MGMT: variants seen among roughly 807,000 people sequenced by gnomAD.
MGMT encodes the protein methylated-DNA--protein-cysteine methyltransferase.
Under a neutral mutation model 15.9 loss-of-function variants are expected in MGMT, and 14 were observed. The ratio of observed to expected loss-of-function variants is 0.88; its 90% CI spans 0.58 to 1.37. MGMT has a LOEUF of 1.37. MGMT is among the 40% of genes most tolerant of loss of function. The pLI is 0.00. For missense variants in MGMT, 282 were observed against 268.1 expected, an observed-to-expected ratio of 1.05 and a Z score of -0.36; for synonymous variants, 130 against 118.2, an observed-to-expected ratio of 1.10 and a Z score of -0.65.
intron 3 of MGMT, among the ~76,000 whole-genome samples, chr10:129,752,035 T>C (rs1213552565): frequency 1.3e-5 from 2 of 151,968 alleles, no homozygotes; most frequent in African/African-American, 4.8e-5. Flanking sequence ...GTTGATAATA[T>C]TTTTTATTTG....
intron 1 of MGMT, 126 bp downstream of exon 1, chr10:129,467,422 C>T (rs1845181126): frequency 7.3e-7 from 1 of 1,367,298 alleles, no homozygotes; most frequent in Admixed American, 3.8e-5. Flanking sequence ...TGACCCCCAC[C>T]CATCCCGGGC....
intron 2 of MGMT, among the ~76,000 whole-genome samples, chr10:129,628,712 AC>A (rs1413686987): frequency 6.6e-6 from 1 of 152,204 alleles, no homozygotes; most frequent in Non-Finnish European, 1.5e-5. Context: ...GTGCCAAGAG[AC>A]AAGTAGAGCT....
At chr10:129,658,493 C>T (rs1018091389) in intron 2 of MGMT, among the ~76,000 whole-genome samples, 1 of 152,140 alleles carries the variant, frequency 6.6e-6, no homozygotes, top group Non-Finnish European at 1.5e-5. Flanking sequence ...GATTTTTAAC[C>T]CCAACATTTT....
intron 1 of MGMT, among the ~76,000 whole-genome samples, chr10:129,507,525 C>T (rs955786420): frequency 2.3e-4 from 35 of 152,102 alleles, no homozygotes; most frequent in Admixed American, 1.6e-3. Flanking sequence ...ACAGAGGGTC[C>T]TGCTGAATTG....
chr10:129,531,777 G>C (rs1031983767), intron 1 of MGMT, among the ~76,000 whole-genome samples: 3 of 136,274 alleles, frequency 2.2e-5, no homozygotes, highest in African/African-American at 5.4e-5. Flanking sequence ...AGCGGGGGCT[G>C]GTGGGGGTGG....
intron 2 of MGMT, among the ~76,000 whole-genome samples, chr10:129,660,728 T>C (rs1465601331): frequency 6.6e-6 from 1 of 151,856 alleles, no homozygotes. Flanking sequence ...TGCAAAGACT[T>C]CAAGGGAGAC....
At chr10:129,580,372 C>T (rs978367405) in intron 2 of MGMT, among the ~76,000 whole-genome samples, 1 of 152,164 alleles carries the variant, frequency 6.6e-6, no homozygotes, top group African/African-American at 2.4e-5. Flanking sequence ...CGATTAGGCA[C>T]CACAGTAGAA....
intron 3 of MGMT, among the ~76,000 whole-genome samples, chr10:129,753,391 T>C (rs554809889): frequency 1.2e-4 from 18 of 152,340 alleles, no homozygotes; most frequent in Non-Finnish European, 2.4e-4. Context: ...ATTTTAGCTA[T>C]CGTTTATTTG....
At chr10:129,519,469 C>T (rs113255361) in intron 1 of MGMT, among the ~76,000 whole-genome samples, 3,695 of 152,302 alleles carry the variant, frequency 0.024, 83 homozygotes, top group Middle Eastern at 0.054. Context: ...CATTTGGAAG[C>T]GGGGCGCACT....
At chr10:129,483,268 A>G (rs55744516) in intron 1 of MGMT, among the ~76,000 whole-genome samples, 14,122 of 152,248 alleles carry the variant, frequency 0.093, 786 homozygotes, top group East Asian at 0.28. Flanking sequence ...TAGAGTTACT[A>G]TTTTTATGTT....
chr10:129,709,964 A>T (rs1052716114), intron 3 of MGMT, among the ~76,000 whole-genome samples: 5 of 152,192 alleles, frequency 3.3e-5, no homozygotes, highest in Non-Finnish European at 5.9e-5. Flanking sequence ...GCAAGCACTG[A>T]ACCCCCGCTG....
At chr10:129,473,340 C>G (rs1417998508) in intron 1 of MGMT, among the ~76,000 whole-genome samples, 1 of 152,226 alleles carries the variant, frequency 6.6e-6, no homozygotes, top group Non-Finnish European at 1.5e-5. Context: ...AATCTCCTGT[C>G]ATGGTTCAGC....
chr10:129,582,398 C>G (rs1409091790), intron 2 of MGMT, among the ~76,000 whole-genome samples: 1 of 152,182 alleles, frequency 6.6e-6, no homozygotes, highest in Admixed American at 6.5e-5. Flanking sequence ...CTGCCTCTGA[C>G]GGGTGGCTGC....
chr10:129,534,005 C>T (rs1537688), intron 1 of MGMT, among the ~76,000 whole-genome samples: 8,139 of 152,208 alleles, frequency 0.053, 262 homozygotes, highest in South Asian at 0.066. Flanking sequence ...ATGGTGGGAA[C>T]AGTAGTGATC....
chr10:129,488,928 C>T (rs1218612477), intron 1 of MGMT, among the ~76,000 whole-genome samples: 1 of 152,192 alleles, frequency 6.6e-6, no homozygotes, highest in Non-Finnish European at 1.5e-5. Context: ...AGGAGAGACA[C>T]AGTAAATGGT....
chr10:129,613,988 G>A (rs1440262054), intron 2 of MGMT, among the ~76,000 whole-genome samples: 1 of 152,134 alleles, frequency 6.6e-6, no homozygotes, highest in Non-Finnish European at 1.5e-5. Flanking sequence ...ATTTTTAAGA[G>A]TCCAGCTCAG....
At chr10:129,758,942 A>G (rs1483645535) in intron 3 of MGMT, among the ~76,000 whole-genome samples, 1 of 152,224 alleles carries the variant, frequency 6.6e-6, no homozygotes, top group African/African-American at 2.4e-5. Flanking sequence ...GGAACACGGG[A>G]AGATGGAAAG....
intron 2 of MGMT, among the ~76,000 whole-genome samples, chr10:129,567,751 C>A (rs1001624652): frequency 6.6e-6 from 1 of 152,172 alleles, no homozygotes; most frequent in African/African-American, 2.4e-5. Flanking sequence ...ATATACAAAT[C>A]ACTTCCATAT....
At position 129,520,856 on chromosome 10, in the gene MGMT, A is replaced by ACGG. The variant is rs1564841124; in HGVS notation, c.-12-15385_-12-15384insCGG. The stretch of plus-strand genomic sequence containing the variant: ...CCTATGGTGCATGTACAGACCCCAT[A>ACGG]TGGTGCGGGTACAGAGCCCCTACAG... On this transcript the variant is annotated intron_variant, in intron 1 of 4. Coordinates refer to ENST00000651593, the MANE Select transcript of MGMT (RefSeq NM_002412.5). Among the ~76,000 whole-genome samples, 415 of 147,820 alleles carry ACGG rather than the reference A, an allele frequency of 2.8e-3. 5 individuals carry two copies. Among genetic ancestry groups the ACGG allele is most frequent in the African/African-American group, 9.9e-3 (390 of 39,536 alleles).
Sources: gnomAD v4.1 joint callset for allele counts (sites outside exome capture counted in the v4.1 genomes callset) on GRCh38, gnomAD v4.1.1 for gene constraint, MANE v1.5 for transcripts, NCBI Gene and HGNC (gene_info 2026-07-23, HGNC 2026-07-21) for gene names.